TMED8: variants seen among roughly 807,000 people sequenced by gnomAD.
TMED8 encodes the protein protein TMED8.
TMED8 carries 15 observed loss-of-function variants against 32.7 expected under a neutral mutation model. That is an observed-to-expected ratio of 0.46 (90% confidence interval 0.31 to 0.71). The LOEUF is 0.71. TMED8 is among the 30% of genes least tolerant of loss of function. The pLI is 0.06. For missense variants in TMED8, 390 were observed against 423.9 expected, an observed-to-expected ratio of 0.92 and a Z score of 0.70; for synonymous variants, 147 against 161.4, an observed-to-expected ratio of 0.91 and a Z score of 0.68.
Position 77,337,680 on chromosome 14 carries a change from G to A in TMED8, c.*4091C>T, listed in dbSNP as rs374720017. 3.9e-5 allele frequency: 6 copies of A among 152,298 alleles called. No homozygotes were observed. The highest frequency in any genetic ancestry group is 1.9e-4 in the East Asian group (1 of 5,178). 9.4% of individuals were successfully genotyped at this position (152,298 alleles called of 1,614,324 possible). On this transcript the variant is annotated 3_prime_UTR_variant, in exon 6 of 6. Transcript: ENST00000216468. ...TGCTGGGATTACAGGCGTGGGCCAC[G>A]GCGCCTGGCCTCCAAGAAACATTTT...
At chr14:77,372,933 TATATATATATATA>T (rs1566696388) in intron 1 of TMED8, among the ~76,000 whole-genome samples, 1 of 34,460 alleles carries the variant, frequency 2.9e-5, no homozygotes, top group Non-Finnish European at 5.3e-5. Flanking sequence ...TATATATATA[TATATATATATATA>T]TATATATTTT....
At chr14:77,342,654 C>T (rs1040421525) in intron 5 of TMED8, among the ~76,000 whole-genome samples, 5 of 152,150 alleles carry the variant, frequency 3.3e-5, no homozygotes, top group Non-Finnish European at 7.3e-5. Flanking sequence ...AGTGTGTAGA[C>T]ACTACAAATA....
At chr14:77,374,589 T>C (rs1451897247) in intron 1 of TMED8, among the ~76,000 whole-genome samples, 2 of 152,248 alleles carry the variant, frequency 1.3e-5, no homozygotes, top group Non-Finnish European at 2.9e-5. Flanking sequence ...CATTCTTGGT[T>C]ATCTCAACCC....
At chr14:77,367,373 A>AACACTTC in intron 1 of TMED8, among the ~76,000 whole-genome samples, 1 of 152,204 alleles carries the variant, frequency 6.6e-6, no homozygotes, top group South Asian at 2.1e-4. Context: ...CAAGAAATAG[A>AACACTTC]ACACTTCTAA....
intron 5 of TMED8, among the ~76,000 whole-genome samples, chr14:77,342,633 A>G (rs1198409195): frequency 6.6e-6 from 1 of 152,216 alleles, no homozygotes; most frequent in Non-Finnish European, 1.5e-5. Flanking sequence ...CCTCTGGGCC[A>G]TCCTTTGTGT....
chr14:77,354,062 T>C (rs889164964), intron 1 of TMED8, among the ~76,000 whole-genome samples: 3 of 152,230 alleles, frequency 2.0e-5, no homozygotes, highest in Admixed American at 2.0e-4. Context: ...ATCTTCACAC[T>C]ATATAGCCTG....
chr14:77,346,017 T>G (rs1035454499), intron 3 of TMED8, among the ~76,000 whole-genome samples: 13 of 144,670 alleles, frequency 9.0e-5, no homozygotes, highest in Non-Finnish European at 1.7e-4. Flanking sequence ...TCATAAATAC[T>G]AAATAGATCT....
chr14:77,360,042 ATGTT>A (rs1190267562), intron 1 of TMED8: 1 of 153,768 alleles, frequency 6.5e-6, no homozygotes, highest in Non-Finnish European at 1.4e-5. Flanking sequence ...TAAATTGTAT[ATGTT>A]TAAGGTGTAC....
At position 77,343,237 on chromosome 14, in the gene TMED8, T is replaced by C; in HGVS notation, c.701A>G (p.Gln234Arg). The change falls in exon 5 of 6, where the codon CAG becomes CGG. Residue 234 changes from glutamine (Q) to arginine (R), a missense_variant. Physicochemically the swap from Gln to Arg is conservative, Grantham distance 43. Transcript: ENST00000216468. ...CTCATCGTCACTGGAATCACTGACC[T>C]GCACAGTTATGTCAGTGCTAGTTAC... is the stretch of plus-strand genomic sequence containing the variant. ...TPVTSTDITV[Q>R]VSDSSDDEDE... The C allele has an allele frequency of 1.2e-6, 2 of 1,614,224 alleles. No individual in the cohort carries two copies. The highest frequency in any genetic ancestry group is 1.7e-6 in the Non-Finnish European group (2 of 1,180,044).
intron 1 of TMED8, among the ~76,000 whole-genome samples, chr14:77,357,017 T>C (rs369583739): frequency 6.6e-6 from 1 of 152,200 alleles, no homozygotes; most frequent in African/African-American, 2.4e-5. Flanking sequence ...GTAGCTAAAT[T>C]TAAATTTAAA....
rs994735780 is a variant in TMED8 at position 77,346,369 on chromosome 14, G to C, written c.307C>G (p.Gln103Glu). ...CCTACCTCATTGAGGACCTGGGCCT[G>C]GTCTGCAGGCAGCAAATCCTGTTTC... is the stretch of plus-strand genomic sequence containing the variant. ...LVKQDLLPAD[Q>E]AQVLNEMAKY... The change falls in exon 3 of 6, where the codon CAG becomes GAG. Residue 103 changes from glutamine to glutamate, a missense_variant. Gln to Glu is a conservative substitution (Grantham distance 29, BLOSUM62 2). Transcript: ENST00000216468. The C allele has an allele frequency of 3.1e-6, 5 of 1,614,006 alleles. No individual in the cohort carries two copies. The highest frequency in any genetic ancestry group is 4.2e-6 in the Non-Finnish European group (5 of 1,180,022).
At position 77,376,919 on chromosome 14, in the gene TMED8, G is replaced by T. The variant is rs756441441; in HGVS notation, c.118+17C>A. 1.4e-6 allele frequency: 2 copies of T among 1,408,992 alleles called. No homozygotes were observed. The highest frequency in any genetic ancestry group is 2.8e-5 in the South Asian group (2 of 70,636). The allele number at this position is 1,408,992 out of a possible 1,614,324, so 87.3% of individuals were successfully genotyped here. ...GGCCGGGCGGCACCCACCCGCCAGCGCCCCGGCCTTGCGTACCTGAGGCGG... is the reference window on the plus strand; with the variant it reads ...GGCCGGGCGGCACCCACCCGCCAGCTCCCCGGCCTTGCGTACCTGAGGCGG... On this transcript the variant is annotated intron_variant, in intron 1 of 5. Coordinates refer to ENST00000216468, the MANE Select transcript of TMED8 (RefSeq NM_213601.3). This position sits in a 1 kb window ranked among gnomAD's most constrained non-coding sequence, Gnocchi z 4.0.
Position 77,335,322 on chromosome 14 carries a change from T to G in TMED8, c.*6449A>C, listed in dbSNP as rs1892735950. 6.6e-6 allele frequency: 1 copy of G among 152,216 alleles called. No individual in the cohort carries two copies. Among genetic ancestry groups the G allele is most frequent in the Non-Finnish European group, 1.5e-5 (1 of 68,042 alleles). 9.4% of individuals were successfully genotyped at this position (152,216 alleles called of 1,614,324 possible). A position where few individuals can be genotyped will look rare whatever the true frequency, so the allele number is the denominator to read the frequency against. ...ATAGCATTTCTCATGATAGGGGACA[T>G]GTAAAACAAGCTGACCATAATAAAT... On this transcript the variant is annotated 3_prime_UTR_variant, in exon 6 of 6. Transcript: ENST00000216468.
rs1227686477 is a variant in TMED8, at chr14:77,372,906, T to TTTTTATA, written c.118+4029_118+4030insTATAAAA. Among the ~76,000 whole-genome samples, 52 of 35,342 alleles carry TTTTTATA rather than the reference T, an allele frequency of 1.5e-3. 2 individuals are homozygous for TTTTTATA. The highest frequency in any genetic ancestry group is 3.3e-3 in the South Asian group (2 of 614). The allele number at this position is 35,342 out of a possible 152,430, so 23.2% of individuals were successfully genotyped here. A position where few individuals can be genotyped will look rare whatever the true frequency, so the allele number is the denominator to read the frequency against. On this transcript the variant is annotated intron_variant, in intron 1 of 5. Transcript: ENST00000216468. ...ATGCACATTGAAATAGCCACAGATA[T>TTTTTATA]TATATATATATATATATATATATAT...
chr14:77,372,938 ATATATATATATATATTTTTTTTTTTTTT>A (rs1566696491), intron 1 of TMED8, among the ~76,000 whole-genome samples: 10 of 27,992 alleles, frequency 3.6e-4, no homozygotes, highest in Non-Finnish European at 5.3e-4. Context: ...ATATATATAT[ATATATATATATATATTTTTTTTTTTTTT>A]TTTTTTTTTT....
In TMED8 at chr14:77,350,879, A is replaced by T. The variant is rs529218836; in HGVS notation, c.197+794T>A. ...CCACCCACATAAATTTAATATTCAC[A>T]ATTAGCATTTTATGCTCTGGAGAAT... On this transcript the variant is annotated intron_variant, in intron 2 of 5. Transcript: ENST00000216468. Among the ~76,000 whole-genome samples the T allele has an allele frequency of 8.5e-5, 13 of 152,350 alleles. No individual in the cohort carries two copies. The East Asian group carries it at 2.5e-3, about 29-fold the overall frequency.
intron 1 of TMED8, among the ~76,000 whole-genome samples, chr14:77,370,639 T>A (rs1041962119): frequency 3.9e-5 from 6 of 152,274 alleles, no homozygotes; most frequent in African/African-American, 1.4e-4. Flanking sequence ...CATATAAGTA[T>A]ACAGTGAAAA....
At position 77,370,905 on chromosome 14, in the gene TMED8, C is replaced by T. The variant is rs1007141126; in HGVS notation, c.118+6031G>A. On this transcript the variant is annotated intron_variant, in intron 1 of 5. Coordinates refer to ENST00000216468, the MANE Select transcript of TMED8 (RefSeq NM_213601.3). Reference sequence around the variant, plus strand: ...CGGAGGTTGCAGTGAGCTAAGATCACGCCATTGCACTCCAGCCTGGGCAAC... The same window carrying T: ...CGGAGGTTGCAGTGAGCTAAGATCATGCCATTGCACTCCAGCCTGGGCAAC... Among the ~76,000 whole-genome samples, 6 of 151,616 alleles carry T rather than the reference C, an allele frequency of 4.0e-5. No individual in the cohort carries two copies. In the East Asian group the frequency reaches 7.7e-4, roughly 20 times the overall value.
At position 77,376,945 on chromosome 14, in the gene TMED8, C is replaced by T. The variant is rs1893833364; in HGVS notation, c.109G>A (p.Ala37Thr). 6.9e-7 allele frequency: 1 copy of T among 1,453,954 alleles called. No homozygotes were observed. Among genetic ancestry groups the T allele is most frequent in the Non-Finnish European group, 9.0e-7 (1 of 1,110,218 alleles). The allele number at this position is 1,453,954 out of a possible 1,614,324, so 90.1% of individuals were successfully genotyped here. Reference protein sequence around the residue: ...DCQGVEGSQAAASENEDLENK... With the variant: ...DCQGVEGSQATASENEDLENK... ...CCCCGGCCTTGCGTACCTGAGGCGG[C>T]CGCCTGGCTCCCCTCCACTCCCTGG... Residue 37 changes from alanine to threonine, a missense_variant, in exon 1 of 6, where the codon GCC becomes ACC. By Grantham distance (58) the Ala-to-Thr change is moderately conservative. Coordinates refer to ENST00000216468, the MANE Select transcript of TMED8 (RefSeq NM_213601.3). This position sits in a 1 kb window ranked among gnomAD's most constrained non-coding sequence, Gnocchi z 4.0.
Sources: gnomAD v4.1 joint callset for allele counts (sites outside exome capture counted in the v4.1 genomes callset) on GRCh38, gnomAD v4.1.1 for gene constraint, Gnocchi (gnomAD v3.1) non-coding constraint, MANE v1.5 for transcripts, NCBI Gene and HGNC (gene_info 2026-07-23, HGNC 2026-07-21) for gene names.